NRIP1: variants seen among roughly 807,000 people sequenced by gnomAD.
The protein encoded by NRIP1 is nuclear receptor-interacting protein 1.
NRIP1 carries 28 observed loss-of-function variants against 75.0 expected under a neutral mutation model. That is an observed-to-expected ratio of 0.37 (90% CI 0.28 to 0.51). The LOEUF is 0.51. Among genes scored for constraint, NRIP1 ranks in the 20% least tolerant of loss-of-function variants. The pLI, the probability that NRIP1 is intolerant of heterozygous loss-of-function variation, is 0.92. For synonymous variants in NRIP1, 526 were observed against 487.6 expected (o/e 1.08, Z -1.04); for missense variants, 1,435 against 1,343.7 (o/e 1.07, Z -1.06).
At chr21:15,050,999 A>G (rs952105536) in intron 1 of NRIP1, 4 of 426,178 alleles carry the variant, frequency 9.4e-6, no homozygotes, top group Non-Finnish European at 1.9e-5. Flanking sequence ...AGTAGCATTT[A>G]CCTACAGCTA....
rs1158595027 is a variant in NRIP1, at chr21:14,966,817, G to C, written c.1376C>G (p.Ser459Cys). The C allele has an allele frequency of 6.2e-7, 1 of 1,613,998 alleles. No homozygotes were observed. The highest frequency in any genetic ancestry group is 1.3e-5 in the African/African-American group (1 of 74,900). ...CAAGGATTGAGTGAAGTTATCCAGG[G>C]AAACAGGTTGGTCAGATTCTGATTT... The part of the protein sequence containing the change: ...TEKSESDQPV[S>C]LDNFTQSLLN... The change falls in exon 4 of 4, where the codon TCC (serine) becomes TGC (cysteine). Residue 459 changes from serine (S) to cysteine (C), a missense_variant. Coordinates refer to ENST00000318948, the MANE Select transcript of NRIP1 (RefSeq NM_003489.4).
chr21:14,990,607 G>A (rs962511006), intron 3 of NRIP1, among the ~76,000 whole-genome samples: 1 of 152,224 alleles, frequency 6.6e-6, no homozygotes, highest in African/African-American at 2.4e-5. Context: ...CAGCCAAGAG[G>A]TAATGAAATC....
intron 3 of NRIP1, among the ~76,000 whole-genome samples, chr21:14,994,450 A>G (rs1009345747): frequency 2.0e-5 from 3 of 152,058 alleles, no homozygotes; most frequent in Non-Finnish European, 4.4e-5. Context: ...CTTGAGTGCT[A>G]TCTAACTTTT....
intron 2 of NRIP1, among the ~76,000 whole-genome samples, chr21:15,042,406 A>G (rs1414379964): frequency 1.3e-5 from 2 of 152,242 alleles, no homozygotes; most frequent in Non-Finnish European, 2.9e-5. Flanking sequence ...CAAGAAGACT[A>G]TGTTCACCAC....
chr21:15,053,838 A>C (rs1246999521), intron 1 of NRIP1, among the ~76,000 whole-genome samples: 1 of 152,236 alleles, frequency 6.6e-6, no homozygotes, highest in Non-Finnish European at 1.5e-5. Flanking sequence ...GTTAAACAAA[A>C]AAGAAACAAC....
intron 2 of NRIP1, among the ~76,000 whole-genome samples, chr21:15,019,701 T>C (rs2088325881): frequency 6.6e-6 from 1 of 151,964 alleles, no homozygotes; most frequent in African/African-American, 2.4e-5. Flanking sequence ...TTGGTCAGGC[T>C]GGTCTTGAAC....
chr21:15,064,394 G>A (rs1978652633), intron 1 of NRIP1, among the ~76,000 whole-genome samples: 1 of 152,142 alleles, frequency 6.6e-6, no homozygotes, highest in South Asian at 2.1e-4. Flanking sequence ...CCGGGGTTCG[G>A]GACCGAGAGG....
In NRIP1 at chr21:14,967,380, T is replaced by G; in HGVS notation, c.813A>C (p.Ser271=). The stretch of plus-strand genomic sequence containing the variant: ...AATACTGCTGCAAATGGGCTTCGCT[T>G]GACAGAAGTAATGCTAACTGGCTAC... ...VACSQLALLL[S]SEAHLQQYSR... is the part of the protein sequence containing the mutation. Residue 271 remains serine (S), a synonymous_variant, in exon 4 of 4, where the codon TCA becomes TCC. Coordinates refer to ENST00000318948, the MANE Select transcript of NRIP1 (RefSeq NM_003489.4). 1.2e-6 allele frequency: 2 copies of G among 1,614,128 alleles called. No homozygotes were observed. The highest frequency in any genetic ancestry group is 2.2e-5 in the South Asian group (2 of 91,080).
intron 2 of NRIP1, among the ~76,000 whole-genome samples, chr21:15,033,613 T>C (rs748452169): frequency 6.6e-6 from 1 of 152,214 alleles, no homozygotes; most frequent in Non-Finnish European, 1.5e-5. Flanking sequence ...AATTATCGAG[T>C]GGGTTATTGT....
At position 14,961,243 on chromosome 21, in the gene NRIP1, AT is replaced by A. The variant is rs1418310991; in HGVS notation, c.*3472del. 1 of 152,446 alleles carries A rather than the reference AT, an allele frequency of 6.6e-6. No individual in the cohort carries two copies. The highest frequency in any genetic ancestry group is 1.5e-5 in the Non-Finnish European group (1 of 67,906). 9.4% of individuals were successfully genotyped at this position (152,446 alleles called of 1,614,324 possible). ...AGTCATTTCAAACCAGAGACAATGC[AT>A]TTTTTCTCATTTATTCAAATTCACT... On this transcript the variant is annotated 3_prime_UTR_variant, in exon 4 of 4. Transcript: ENST00000318948.
intron 3 of NRIP1, among the ~76,000 whole-genome samples, chr21:14,968,900 G>T (rs933990038): frequency 6.6e-6 from 1 of 152,146 alleles, no homozygotes; most frequent in Non-Finnish European, 1.5e-5. Flanking sequence ...AGGGGAACTA[G>T]AACTTGCTTC....
At chr21:15,045,005 T>C (rs1338863972) in intron 1 of NRIP1, among the ~76,000 whole-genome samples, 4 of 152,246 alleles carry the variant, frequency 2.6e-5, no homozygotes, top group African/African-American at 7.2e-5. Context: ...TAGTTTTATA[T>C]GGACCAACTA....
In NRIP1 at chr21:14,965,133, A is replaced by G; in HGVS notation, c.3060T>C (p.Cys1020=). The part of the protein sequence containing the change: ...VSPTFPEHLG[C]AGSRPESGLL... ...GCCCAGATTCTGGTCTAGACCCTGC[A>G]CAGCCCAAGTGCTCAGGGAAAGTAG... Residue 1020 remains cysteine (C), a synonymous_variant, in exon 4 of 4, where the codon TGT becomes TGC. Transcript: ENST00000318948. 6.2e-7 allele frequency: 1 copy of G among 1,613,042 alleles called. No individual in the cohort carries two copies.
intron 2 of NRIP1, among the ~76,000 whole-genome samples, chr21:15,036,669 T>C (rs887756230): frequency 3.9e-5 from 6 of 151,906 alleles, no homozygotes; most frequent in African/African-American, 1.5e-4. Context: ...AACCATGCCC[T>C]AATCAAATAA....
chr21:14,965,428 T>G lies in NRIP1; in HGVS notation c.2765A>C (p.Glu922Ala), dbSNP rs766441290. The change falls in exon 4 of 4, where the codon GAA (glutamate) becomes GCA (alanine). Residue 922 changes from glutamate (E) to alanine (A), a missense_variant. Coordinates refer to ENST00000318948, the MANE Select transcript of NRIP1 (RefSeq NM_003489.4). ...PAGHGSASES[E>A]HRSWARESKS... The stretch of plus-strand genomic sequence containing the variant: ...GCTCTCTCTGGCCCAACTCCTGTGT[T>G]CACTTTCGCTGGCTGAGCCATGACC... 3.1e-6 allele frequency: 5 copies of G among 1,613,998 alleles called. No homozygotes were observed. In the Admixed American group the frequency reaches 8.3e-5, roughly 27 times the overall value.
intron 2 of NRIP1, among the ~76,000 whole-genome samples, chr21:15,022,001 G>A (rs1402997196): frequency 6.6e-6 from 1 of 152,134 alleles, no homozygotes; most frequent in East Asian, 1.9e-4. Context: ...CAAAGACCTA[G>A]AGGCAGAAAT....
At chr21:15,030,616 A>G (rs1484363974) in intron 2 of NRIP1, among the ~76,000 whole-genome samples, 1 of 152,238 alleles carries the variant, frequency 6.6e-6, no homozygotes, top group Non-Finnish European at 1.5e-5. Flanking sequence ...TAGAGTTCTA[A>G]TAAGTTAAAT....
At chr21:15,044,071 G>A (rs924393612) in intron 1 of NRIP1, among the ~76,000 whole-genome samples, 15 of 152,016 alleles carry the variant, frequency 9.9e-5, no homozygotes, top group Non-Finnish European at 1.6e-4. Flanking sequence ...CACCTGCCTC[G>A]GCCTCCCAAA....
chr21:15,059,887 G>A (rs2089387274), intron 1 of NRIP1, among the ~76,000 whole-genome samples: 1 of 151,968 alleles, frequency 6.6e-6, no homozygotes, highest in Non-Finnish European at 1.5e-5. Context: ...TTTATCCATA[G>A]CATGATTCAA....
Sources: allele counts gnomAD v4.1 joint callset (sites outside exome capture counted in the v4.1 genomes callset), GRCh38; gene constraint gnomAD v4.1.1; transcripts MANE v1.5; gene names NCBI Gene and HGNC (gene_info 2026-07-23, HGNC 2026-07-21).